Variants in RBFOX1 observed in about 807,000 individuals in gnomAD.
RBFOX1 encodes RNA binding protein fox-1 homolog 1.
Under a neutral mutation model 57.7 loss-of-function variants are expected in RBFOX1, and 8 were observed. The observed-to-expected ratio is 0.14, with a 90% CI of 0.08 to 0.25. The LOEUF is 0.25. Among genes scored for constraint, RBFOX1 ranks in the 10% least tolerant of loss-of-function variants. The pLI, the probability that RBFOX1 is intolerant of heterozygous loss-of-function variation, is 1.00. For synonymous variants in RBFOX1, 326 were observed against 222.4 expected, an observed-to-expected ratio of 1.47 and a Z score of -4.15; for missense variants, 611 against 548.5, an observed-to-expected ratio of 1.11 and a Z score of -1.14.
At chr16:5,506,536 C>A (rs1276590412) in intron 2 of RBFOX1, among the ~76,000 whole-genome samples, 1 of 152,224 alleles carries the variant, frequency 6.6e-6, no homozygotes, top group African/African-American at 2.4e-5. Flanking sequence ...GCTCACCCTG[C>A]AGCTGCCCAC....
At chr16:5,292,940 G>A (rs1276791828) in intron 1 of RBFOX1, among the ~76,000 whole-genome samples, 1 of 151,988 alleles carries the variant, frequency 6.6e-6, no homozygotes, top group East Asian at 1.9e-4. Flanking sequence ...TTTTTTAAAA[G>A]CACATTTCTC....
At chr16:6,297,509 A>C (rs1388948496) in intron 1 of RBFOX1, among the ~76,000 whole-genome samples, 2 of 152,118 alleles carry the variant, frequency 1.3e-5, no homozygotes, top group Non-Finnish European at 2.9e-5. Context: ...CTCTGAACCG[A>C]GTTTCCTGAT....
intron 1 of RBFOX1, among the ~76,000 whole-genome samples, chr16:6,143,160 G>A (rs985469704): frequency 1.3e-5 from 2 of 152,134 alleles, no homozygotes; most frequent in African/African-American, 4.8e-5. Context: ...CCCTCTTAAC[G>A]TTTTTGTTTA....
At chr16:6,518,409 G>T (rs764882313) in intron 2 of RBFOX1, among the ~76,000 whole-genome samples, 1 of 152,140 alleles carries the variant, frequency 6.6e-6, no homozygotes, top group Non-Finnish European at 1.5e-5. Context: ...AAGAAAAAGT[G>T]CACCAATCAG....
At chr16:7,629,914 C>T (rs1412714007) in intron 10 of RBFOX1, among the ~76,000 whole-genome samples, 1 of 152,210 alleles carries the variant, frequency 6.6e-6, no homozygotes, top group African/African-American at 2.4e-5. Flanking sequence ...CGAAGATTCT[C>T]TCATCCAGTG....
At chr16:6,511,750 T>C (rs1349290449) in intron 2 of RBFOX1, among the ~76,000 whole-genome samples, 3 of 152,224 alleles carry the variant, frequency 2.0e-5, no homozygotes, top group Non-Finnish European at 4.4e-5. Context: ...AGATGGATTT[T>C]ATAAGAAGAC....
intron 3 of RBFOX1, among the ~76,000 whole-genome samples, chr16:5,833,021 A>T (rs1263144543): frequency 6.6e-6 from 1 of 152,154 alleles, no homozygotes; most frequent in East Asian, 1.9e-4. Context: ...ACCCCCCAAA[A>T]TGCATAGGCA....
At chr16:6,871,945 G>T (rs1379570318) in intron 3 of RBFOX1, among the ~76,000 whole-genome samples, 1 of 150,630 alleles carries the variant, frequency 6.6e-6, no homozygotes, top group African/African-American at 2.5e-5. Context: ...GTGTGTGTGT[G>T]TGTGTGTGTG....
chr16:5,508,559 C>G (rs539942964), intron 2 of RBFOX1, among the ~76,000 whole-genome samples: 1 of 152,130 alleles, frequency 6.6e-6, no homozygotes, highest in Non-Finnish European at 1.5e-5. Flanking sequence ...GAGTGCCACA[C>G]CCAAGATGGT....
intron 1 of RBFOX1, among the ~76,000 whole-genome samples, chr16:6,026,700 A>G (rs186326335): frequency 1.1e-4 from 17 of 152,386 alleles, no homozygotes; most frequent in African/African-American, 4.1e-4. Context: ...GAGCCTCGCT[A>G]GATTTCTGCA....
chr16:5,421,878 G>A (rs979498725), intron 1 of RBFOX1, among the ~76,000 whole-genome samples: 25 of 152,298 alleles, frequency 1.6e-4, no homozygotes, highest in African/African-American at 6.0e-4. Context: ...AGGCATGCTC[G>A]TGGTTAGGGA....
rs1246730450 is a variant in RBFOX1, at chr16:6,780,343, TTA to T, written c.-16+125698_-16+125699del. Among the ~76,000 whole-genome samples, 27 of 80,464 alleles carry T rather than the reference TTA, an allele frequency of 3.4e-4. 2 individuals carry two copies. The highest frequency in any genetic ancestry group is 2.0e-3 in the African/African-American group (26 of 12,712). The allele number at this position is 80,464 out of a possible 152,430, so 52.8% of individuals were successfully genotyped here. A position where few individuals can be genotyped will look rare whatever the true frequency, so the allele number is the denominator to read the frequency against. ...CATATTTATATATATTTATACATAT[TTA>T]TATACATATTTATATACATATTTAT... On this transcript the variant is annotated intron_variant, in intron 3 of 15. Coordinates refer to ENST00000550418, the MANE Select transcript of RBFOX1 (RefSeq NM_018723.4).
chr16:7,235,614 A>G lies in RBFOX1; in HGVS notation c.27+183516A>G, dbSNP rs13380674. Among the ~76,000 whole-genome samples the G allele has an allele frequency of 8.5e-3, 1,287 of 152,302 alleles. 15 individuals carry two copies. Among genetic ancestry groups the G allele is most frequent in the Middle Eastern group, 0.034 (10 of 294 alleles). On this transcript the variant is annotated intron_variant, in intron 4 of 15. Coordinates refer to ENST00000550418, the MANE Select transcript of RBFOX1 (RefSeq NM_018723.4). ...GCCCTTTCAATTGATGGGCAGCCAT[A>G]TCTTGGGATGAATTAGCCTTTTGTG... is the stretch of plus-strand genomic sequence containing the variant.
At chr16:7,301,108 G>C (rs1603589400) in intron 4 of RBFOX1, among the ~76,000 whole-genome samples, 1 of 152,186 alleles carries the variant, frequency 6.6e-6, no homozygotes, top group South Asian at 2.1e-4. Context: ...GCTATCCCCA[G>C]ATGCGGTTTA....
At chr16:6,787,143 G>C (rs1433401335) in intron 3 of RBFOX1, among the ~76,000 whole-genome samples, 1 of 152,194 alleles carries the variant, frequency 6.6e-6, no homozygotes, top group Non-Finnish European at 1.5e-5. Context: ...TGCTCTCCAA[G>C]AAACGTTGAT....
chr16:6,469,118 A>G (rs2095116596), intron 2 of RBFOX1, among the ~76,000 whole-genome samples: 1 of 152,194 alleles, frequency 6.6e-6, no homozygotes, highest in Admixed American at 6.5e-5. Context: ...ATGCTGCATT[A>G]CAACCTGAAC....
At chr16:5,872,978 C>G (rs1712109314) in intron 4 of RBFOX1, among the ~76,000 whole-genome samples, 1 of 151,898 alleles carries the variant, frequency 6.6e-6, no homozygotes, top group Non-Finnish European at 1.5e-5. Context: ...TGGTGAAGTA[C>G]TATCTCTATT....
chr16:7,238,697 TTG>T (rs1328215079), intron 4 of RBFOX1, among the ~76,000 whole-genome samples: 1 of 152,210 alleles, frequency 6.6e-6, no homozygotes, highest in Non-Finnish European at 1.5e-5. Context: ...ATAGGTAAAC[TTG>T]TGTGTCATGG....
intron 3 of RBFOX1, among the ~76,000 whole-genome samples, chr16:6,680,482 C>T (rs936763477): frequency 1.8e-4 from 27 of 152,086 alleles, no homozygotes; most frequent in African/African-American, 6.3e-4. Flanking sequence ...CCACGATGGT[C>T]TCGATCTCCT....
Sources: gnomAD v4.1 joint callset for allele counts (sites outside exome capture counted in the v4.1 genomes callset) on GRCh38, gnomAD v4.1.1 for gene constraint, MANE v1.5 for transcripts, NCBI Gene and HGNC (gene_info 2026-07-23, HGNC 2026-07-21) for gene names.